PDXDC1: variants seen among roughly 807,000 people sequenced by gnomAD.
The protein encoded by PDXDC1 is pyridoxal-dependent decarboxylase domain-containing protein 1.
PDXDC1 carries 42 observed loss-of-function variants against 100.1 expected under a neutral mutation model. That is an observed-to-expected ratio of 0.42 (90% CI 0.33 to 0.54). The LOEUF is 0.54. Among genes scored for constraint, PDXDC1 ranks in the 20% least tolerant of loss-of-function variants. PDXDC1 has a pLI of 0.10. For missense variants in PDXDC1, 636 were observed against 979.2 expected (o/e 0.65, Z 4.68); for synonymous variants, 260 against 371.7 (o/e 0.70, Z 3.46).
At chr16:15,001,094 C>A (rs1460263086) in intron 3 of PDXDC1, among the ~76,000 whole-genome samples, 1 of 152,376 alleles carries the variant, frequency 6.6e-6, no homozygotes, top group East Asian at 1.9e-4. Flanking sequence ...GTGGCTCAGG[C>A]CTGTAATCCC....
intron 16 of PDXDC1, chr16:15,072,929 G>A (rs752555884): frequency 2.6e-5 from 42 of 1,611,548 alleles, no homozygotes; most frequent in Non-Finnish European, 3.5e-5. Flanking sequence ...CTAAGATAAT[G>A]TTAATCACAT....
At chr16:14,990,455 G>T (rs1970517863) in intron 1 of PDXDC1, among the ~76,000 whole-genome samples, 2 of 152,412 alleles carry the variant, frequency 1.3e-5, no homozygotes, top group African/African-American at 2.4e-5. Flanking sequence ...GAAGAAAGTG[G>T]TAGCTGCCCC....
intron 16 of PDXDC1, chr16:15,137,571 C>T (rs2048387553): frequency 1.2e-5 from 15 of 1,241,636 alleles, no homozygotes; most frequent in Non-Finnish European, 1.6e-5. Context: ...ACCCCGGGTT[C>T]TGCTCCTCCT....
At chr16:15,092,408 T>C in intron 16 of PDXDC1, 1 of 733,710 alleles carries the variant, frequency 1.4e-6, no homozygotes, top group South Asian at 1.5e-5. Context: ...TTTCAACTGG[T>C]ATCTTAATTA....
At chr16:15,000,930 TGTATA>T (rs1360767860) in intron 3 of PDXDC1, among the ~76,000 whole-genome samples, 8 of 149,130 alleles carry the variant, frequency 5.4e-5, no homozygotes, top group South Asian at 2.1e-4. Flanking sequence ...TTTTATATAA[TGTATA>T]GTATATAATA....
chr16:14,977,710 A>G (rs1465710717), intron 1 of PDXDC1, among the ~76,000 whole-genome samples: 1 of 152,280 alleles, frequency 6.6e-6, no homozygotes. Context: ...GTTCTGAAAA[A>G]TAGTCTGGGT....
intron 16 of PDXDC1, among the ~76,000 whole-genome samples, chr16:15,101,159 T>C (rs902800775): frequency 2.0e-5 from 3 of 152,222 alleles, no homozygotes; most frequent in East Asian, 1.9e-4. Context: ...CCACAAAATA[T>C]GTCACGGTGT....
At chr16:15,097,720 T>C (rs1304589153) in intron 16 of PDXDC1, among the ~76,000 whole-genome samples, 3 of 151,880 alleles carry the variant, frequency 2.0e-5, no homozygotes, top group East Asian at 3.9e-4. Context: ...ACTAGGACAA[T>C]TGACACTTAC....
At chr16:15,081,427 G>T (rs529983484) in intron 16 of PDXDC1, among the ~76,000 whole-genome samples, 1 of 152,134 alleles carries the variant, frequency 6.6e-6, no homozygotes, top group Admixed American at 6.5e-5. Context: ...TTGTGGGCAT[G>T]AAGTGAAATC....
chr16:15,085,287 T>C (rs544677551), intron 16 of PDXDC1, among the ~76,000 whole-genome samples: 17 of 152,072 alleles, frequency 1.1e-4, no homozygotes, highest in African/African-American at 2.6e-4. Flanking sequence ...TTTGTTGCAG[T>C]CTACTTATTA....
intron 16 of PDXDC1, among the ~76,000 whole-genome samples, chr16:15,072,140 C>A (rs574389203): frequency 6.6e-6 from 1 of 151,824 alleles, no homozygotes; most frequent in South Asian, 2.1e-4. Context: ...CCCATGTGGG[C>A]AGACTGAATT....
At chr16:15,002,939 G>A (rs1261365290) in intron 4 of PDXDC1, among the ~76,000 whole-genome samples, 2 of 152,210 alleles carry the variant, frequency 1.3e-5, no homozygotes, top group Admixed American at 6.5e-5. Context: ...GTGTCTTTTT[G>A]TATGTTTTAA....
intron 16 of PDXDC1, among the ~76,000 whole-genome samples, chr16:15,087,240 T>C (rs1277547924): frequency 6.6e-6 from 1 of 152,200 alleles, no homozygotes; most frequent in Non-Finnish European, 1.5e-5. Context: ...CATATGGAGT[T>C]ATCATTTAGT....
At chr16:15,128,328 G>T (rs1407950219) in intron 16 of PDXDC1, 1 of 1,609,794 alleles carries the variant, frequency 6.2e-7, no homozygotes, top group African/African-American at 1.3e-5. Context: ...CGCCATCCAG[G>T]TGCCGGTGGC....
At chr16:15,088,947 G>C in intron 16 of PDXDC1, among the ~76,000 whole-genome samples, 1 of 151,922 alleles carries the variant, frequency 6.6e-6, no homozygotes, top group Non-Finnish European at 1.5e-5. Context: ...AGCCAAGAGT[G>C]GACATGCTAA....
At chr16:15,039,914 G>C (rs988780934), downstream of PDXDC1, 12 of 1,010,722 alleles carry the variant, frequency 1.2e-5, no homozygotes, top group African/African-American at 2.0e-4. Flanking sequence ...TTAAGGCCTT[G>C]ACATTTGATG....
At chr16:15,080,460 G>A (rs2045653103) in intron 16 of PDXDC1, among the ~76,000 whole-genome samples, 1 of 151,968 alleles carries the variant, frequency 6.6e-6, no homozygotes, top group Non-Finnish European at 1.5e-5. Flanking sequence ...TTAGAGACAG[G>A]GTCTTGCTCT....
At chr16:15,148,370 ATTTTTTTTTT>A in the PDXDC1 span, among the ~76,000 whole-genome samples, 10 of 34,116 alleles carry the variant, frequency 2.9e-4, no homozygotes, top group East Asian at 3.0e-3. Context: ...AGATCCTGTG[ATTTTTTTTTT>A]TTTTTTTTTT....
At position 15,109,753 on chromosome 16, in the gene PDXDC1, G is replaced by A. The variant is rs1164185341; in HGVS notation, c.1400-29126G>A. ...TGTAATCCAAGCTACTCGGGAAGCT[G>A]AGGCAGAATTGCTTCAAACTGGGAG... On this transcript the variant is annotated intron_variant, in intron 16 of 16. Coordinates refer to the PDXDC1 transcript ENST00000535621. Among the ~76,000 whole-genome samples, 343 of 139,004 alleles carry A rather than the reference G, an allele frequency of 2.5e-3. 6 individuals carry two copies. The highest frequency in any genetic ancestry group is 8.1e-3 in the African/African-American group (311 of 38,208). 91.2% of individuals were successfully genotyped at this position (139,004 alleles called of 152,430 possible).
Sources: allele counts gnomAD v4.1 joint callset (sites outside exome capture counted in the v4.1 genomes callset), GRCh38; gene constraint gnomAD v4.1.1; transcripts MANE v1.5; gene names NCBI Gene and HGNC (gene_info 2026-07-23, HGNC 2026-07-21).